The following NEBL variants were observed in gnomAD, a reference collection of about 807,000 sequenced individuals.
NEBL encodes nebulette.
NEBL carries 122 observed loss-of-function variants against 140.2 expected under a neutral mutation model. The observed-to-expected ratio is 0.87, with a 90% CI of 0.75 to 1.01. The LOEUF (loss-of-function observed/expected upper bound fraction) is 1.01, where lower values mean the gene tolerates loss of function less well. Ranked by LOEUF, NEBL falls within the 50% of genes least tolerant of loss-of-function variation. The probability of loss-of-function intolerance (pLI) is 0.00; values close to 1 mark genes in which losing one functional copy is unlikely to be tolerated. For missense variants in NEBL, 1,365 were observed against 1,231.3 expected, an observed-to-expected ratio of 1.11 and a Z score of -1.62; for synonymous variants, 436 against 398.9, an observed-to-expected ratio of 1.09 and a Z score of -1.11.
chr10:21,036,793 C>T lies in NEBL; in HGVS notation c.165-16592G>A, dbSNP rs529959540. 2.6e-5 allele frequency among the ~76,000 whole-genome samples: 4 copies of T among 152,200 alleles called. No homozygotes were observed. The South Asian group carries it at 8.3e-4, about 32-fold the overall frequency. ...AACCATCCGCCTGAGCATGGACATA[C>T]CCTGTCTTGAGGCCAGAGATGAGGA... is the stretch of plus-strand genomic sequence containing the variant. On this transcript the variant is annotated intron_variant, in intron 2 of 6. Coordinates refer to the NEBL transcript ENST00000417816.
In NEBL at chr10:20,951,371, T is replaced by C. The variant is rs1327222695; in HGVS notation, c.357+10301A>G. 3.7e-5 allele frequency among the ~76,000 whole-genome samples: 5 copies of C among 134,520 alleles called. No homozygotes were observed. The South Asian group carries it at 7.0e-4, about 19-fold the overall frequency. 88.3% of individuals were successfully genotyped at this position (134,520 alleles called of 152,430 possible). A position where few individuals can be genotyped will look rare whatever the true frequency, so the allele number is the denominator to read the frequency against. On this transcript the variant is annotated intron_variant, in intron 4 of 6. Transcript: ENST00000417816. ...ACAACCATGAATGGAAAGAAAGCTA[T>C]AGAAGAAAATATGAGCAAAAAAAAA... is the stretch of plus-strand genomic sequence containing the variant.
At chr10:20,799,859 G>A (rs888545423) in intron 26 of NEBL, among the ~76,000 whole-genome samples, 1 of 152,088 alleles carries the variant, frequency 6.6e-6, no homozygotes, top group African/African-American at 2.4e-5. Flanking sequence ...ATGATGGTAT[G>A]GGATACATAT....
At chr10:20,896,483 CATATAT>C (rs57289458) in intron 2 of NEBL, among the ~76,000 whole-genome samples, 2,635 of 88,042 alleles carry the variant, frequency 0.03, 80 homozygotes, top group African/African-American at 0.034. Flanking sequence ...ATATTATATG[CATATAT>C]ATATATATAT....
At chr10:20,981,755 T>A (rs954163760) in intron 3 of NEBL, among the ~76,000 whole-genome samples, 4 of 152,190 alleles carry the variant, frequency 2.6e-5, no homozygotes, top group Non-Finnish European at 5.9e-5. Context: ...GCTGAAGGTC[T>A]GGCAGCCACC....
intron 3 of NEBL, among the ~76,000 whole-genome samples, chr10:21,181,194 G>T (rs1333705960): frequency 6.6e-6 from 1 of 151,538 alleles, no homozygotes; most frequent in African/African-American, 2.4e-5. Context: ...ACCCAGGAGG[G>T]AGAGGTTGCT....
At chr10:21,011,111 A>G (rs1276219401) in intron 3 of NEBL, among the ~76,000 whole-genome samples, 1 of 152,214 alleles carries the variant, frequency 6.6e-6, no homozygotes, top group Admixed American at 6.5e-5. Flanking sequence ...TTGTACTAAA[A>G]TCAGAGACTA....
intron 2 of NEBL, among the ~76,000 whole-genome samples, chr10:21,166,219 CAA>C (rs1170225891): frequency 2.8e-5 from 1 of 35,378 alleles, no homozygotes. Context: ...GACTGTGTCT[CAA>C]AAAAAAAAAA....
At chr10:20,903,784 A>G in intron 4 of NEBL, among the ~76,000 whole-genome samples, 1 of 151,846 alleles carries the variant, frequency 6.6e-6, no homozygotes, top group Non-Finnish European at 1.5e-5. Flanking sequence ...CAAATACTGC[A>G]TGTTGTCTGT....
intron 4 of NEBL, among the ~76,000 whole-genome samples, chr10:20,919,832 G>T (rs1314016446): frequency 6.6e-6 from 1 of 152,066 alleles, no homozygotes; most frequent in Non-Finnish European, 1.5e-5. Context: ...TTGACTACAT[G>T]AAAATAAAAA....
chr10:21,076,907 G>A (rs1836121656), intron 2 of NEBL, among the ~76,000 whole-genome samples: 1 of 152,112 alleles, frequency 6.6e-6, no homozygotes, highest in Non-Finnish European at 1.5e-5. Context: ...ATGACGGAGG[G>A]GGAAATGGGG....
At chr10:20,870,064 C>T (rs1042287837) in intron 5 of NEBL, among the ~76,000 whole-genome samples, 4 of 151,940 alleles carry the variant, frequency 2.6e-5, no homozygotes, top group South Asian at 4.2e-4. Flanking sequence ...CAGTGGCTCA[C>T]GTCTGTAATC....
upstream of NEBL, among the ~76,000 whole-genome samples, chr10:21,177,056 A>AT (rs565107730): frequency 6.6e-6 from 1 of 151,794 alleles, no homozygotes; most frequent in Non-Finnish European, 1.5e-5. Flanking sequence ...TTTGTTCACA[A>AT]TTTTTTTTTC....
intron 26 of NEBL, among the ~76,000 whole-genome samples, chr10:20,791,973 C>A (rs1836030018): frequency 6.6e-6 from 1 of 151,920 alleles, no homozygotes; most frequent in Admixed American, 6.6e-5. Context: ...CAAAATACAA[C>A]AGAGGCTGAG....
At chr10:21,266,433 C>T in intron 1 of NEBL, among the ~76,000 whole-genome samples, 1 of 152,180 alleles carries the variant, frequency 6.6e-6, no homozygotes, top group Non-Finnish European at 1.5e-5. Context: ...TGAGCCACCA[C>T]TCATACAGCT....
intron 4 of NEBL, among the ~76,000 whole-genome samples, chr10:20,923,170 C>G (rs771843207): frequency 6.6e-6 from 1 of 152,028 alleles, no homozygotes; most frequent in African/African-American, 2.4e-5. Flanking sequence ...CCATCTCAAT[C>G]GATCCTCCAG....
chr10:21,257,913 C>G (rs905009424), intron 1 of NEBL, among the ~76,000 whole-genome samples: 6 of 129,584 alleles, frequency 4.6e-5, no homozygotes, highest in Non-Finnish European at 7.7e-5. Flanking sequence ...AAAAAAACAT[C>G]AAAACACACA....
At chr10:21,125,476 C>G (rs1370658076) in intron 2 of NEBL, among the ~76,000 whole-genome samples, 1 of 152,142 alleles carries the variant, frequency 6.6e-6, no homozygotes, top group Non-Finnish European at 1.5e-5. Context: ...TTAAGGCTTC[C>G]CTCGAAATCT....
In NEBL at chr10:20,885,943, G is replaced by A. The variant is rs1002414602; in HGVS notation, c.369+2154C>T. ...CGAGATTAGTTTACTGCCAAGTCAG[G>A]TACACAGTGGACATTTAAATGTGTA... On this transcript the variant is annotated intron_variant, in intron 4 of 27. Coordinates refer to ENST00000377122, the MANE Select transcript of NEBL (RefSeq NM_006393.3). Among the ~76,000 whole-genome samples, 4 of 152,304 alleles carry A rather than the reference G, an allele frequency of 2.6e-5. No homozygotes were observed. The East Asian group carries it at 7.7e-4, about 29-fold the overall frequency.
intron 3 of NEBL, among the ~76,000 whole-genome samples, chr10:21,227,772 CTGCT>C (rs1212478739): frequency 2.9e-4 from 32 of 111,788 alleles, no homozygotes; most frequent in African/African-American, 9.6e-4. Context: ...CTTCTTCTTT[CTGCT>C]TCTTCTTTCT....
Sources: allele counts gnomAD v4.1 joint callset (sites outside exome capture counted in the v4.1 genomes callset), GRCh38; gene constraint gnomAD v4.1.1; transcripts MANE v1.5; gene names NCBI Gene and HGNC (gene_info 2026-07-23, HGNC 2026-07-21).